The following CEMP1 variants were observed in gnomAD, a reference collection of about 807,000 sequenced individuals.
CEMP1 encodes cementum protein 1.
For synonymous variants in CEMP1, 161 were observed against 128.6 expected (o/e 1.25, Z -1.71); for missense variants, 387 against 316.9 (o/e 1.22, Z -1.68).
Position 2,530,990 on chromosome 16 carries a change from G to A in CEMP1, c.84C>T (p.Cys28=), listed in dbSNP as rs1485487553. 1.9e-6 allele frequency: 3 copies of A among 1,613,044 alleles called. No individual in the cohort carries two copies. The highest frequency in any genetic ancestry group is 2.5e-6 in the Non-Finnish European group (3 of 1,179,776). ...TSNTSAENLT[C]LSLPGSPGKT... ...TGCCAGGGCTCCCAGGCAGGGAGAG[G>A]CAGGTGAGGTTCTCAGCCGATGTGT... Residue 28 remains cysteine, a synonymous_variant, in exon 1 of 1, where the codon TGC becomes TGT. Transcript: ENST00000567119.
chr16:2,530,235 C>T lies in CEMP1; in HGVS notation c.*95G>A, dbSNP rs760912750. ...GTTCTGTTTTCTCTTCTCAATAACC[C>T]TATCTCTTCACACATCCCCAGGCCC... On this transcript the variant is annotated 3_prime_UTR_variant, in exon 1 of 1. Coordinates refer to ENST00000567119, the MANE Select transcript of CEMP1 (RefSeq NM_001048212.3). 1 of 1,589,370 alleles carries T rather than the reference C, an allele frequency of 6.3e-7. No homozygotes were observed. The highest frequency in any genetic ancestry group is 1.1e-5 in the South Asian group (1 of 88,570).
rs540841941 is a variant in CEMP1 at position 2,531,315 on chromosome 16, C to T, written c.-242G>A. The T allele has an allele frequency of 1.8e-6, 1 of 546,156 alleles. No individual in the cohort carries two copies. Among genetic ancestry groups the T allele is most frequent in the Non-Finnish European group, 3.3e-6 (1 of 300,016 alleles). 33.8% of individuals were successfully genotyped at this position (546,156 alleles called of 1,614,324 possible). ...GGTGAGAGAGAGCTGGGCCAGGGAG[C>T]TGCTGCAGGATGATTTTGAGGTGTG... On this transcript the variant is annotated 5_prime_UTR_variant, in exon 1 of 1. Transcript: ENST00000567119.
chr16:2,530,500 GCAGC>G (rs761538002), intron 1 of CEMP1: 12 of 1,614,016 alleles, frequency 7.4e-6, no homozygotes, highest in Non-Finnish European at 1.0e-5. Flanking sequence ...AGGGATTGGT[GCAGC>G]CCCACGTCAG....
Position 2,531,015 on chromosome 16 carries a change from T to G in CEMP1, c.59A>C (p.Asn20Thr). The G allele has an allele frequency of 6.2e-7, 1 of 1,607,390 alleles. No homozygotes were observed. Among genetic ancestry groups the G allele is most frequent in the Non-Finnish European group, 8.5e-7 (1 of 1,175,070 alleles). Reference protein sequence around the residue: ...QAGHRRCSTSNTSAENLTCLS... With the variant: ...QAGHRRCSTSTTSAENLTCLS... ...GCAGGTGAGGTTCTCAGCCGATGTG[T>G]TAGAGGTTGAGCATCGCCTGTGCCC... The change falls in exon 1 of 1, where the codon AAC becomes ACC. Residue 20 changes from asparagine (N) to threonine (T), a missense_variant. Coordinates refer to ENST00000567119, the MANE Select transcript of CEMP1 (RefSeq NM_001048212.3).
In CEMP1 at chr16:2,531,403, AAG is replaced by A. The variant is rs1418163167; in HGVS notation, c.-332_-331del. 2.4e-5 allele frequency: 12 copies of A among 505,588 alleles called. No individual in the cohort carries two copies. In the Admixed American group the frequency reaches 3.2e-4, roughly 14 times the overall value. 31.3% of individuals were successfully genotyped at this position (505,588 alleles called of 1,614,324 possible). ...AAAATTGTGGTAAAATACATAACAA[AAG>A]TAACTATCGTAACCTGAGCAGTTCT... On this transcript the variant is annotated 5_prime_UTR_variant, in exon 1 of 1. Coordinates refer to ENST00000567119, the MANE Select transcript of CEMP1 (RefSeq NM_001048212.3).
Position 2,530,127 on chromosome 16 carries a change from G to C in CEMP1, c.*203C>G, listed in dbSNP as rs1432334488. The C allele has an allele frequency of 1.4e-5, 19 of 1,337,556 alleles. No individual in the cohort carries two copies. The highest frequency in any genetic ancestry group is 1.7e-5 in the Non-Finnish European group (17 of 1,005,880). The allele number at this position is 1,337,556 out of a possible 1,614,324, so 82.9% of individuals were successfully genotyped here. On this transcript the variant is annotated 3_prime_UTR_variant, in exon 1 of 1. Coordinates refer to ENST00000567119, the MANE Select transcript of CEMP1 (RefSeq NM_001048212.3). ...GGCACAGTGCCAGGGGCTCCGCTCT[G>C]ACCTCCAGGAGGGAGACTGGGCCCG...
Position 2,530,054 on chromosome 16 carries a change from C to G in CEMP1, c.*276G>C. 1 of 833,188 alleles carries G rather than the reference C, an allele frequency of 1.2e-6. No homozygotes were observed. The allele number at this position is 833,188 out of a possible 1,614,324, so 51.6% of individuals were successfully genotyped here. ...ACAGTCAGGGGTTTGCTTTCTGCTC[C>G]TGAGTTGGGGTGTGCAGCGTGGAGC... On this transcript the variant is annotated 3_prime_UTR_variant, in exon 1 of 1. Transcript: ENST00000567119.
At position 2,530,803 on chromosome 16, in the gene CEMP1, A is replaced by G. The variant is rs1239565283; in HGVS notation, c.271T>C (p.Cys91Arg). 1 of 1,613,584 alleles carries G rather than the reference A, an allele frequency of 6.2e-7. No individual in the cohort carries two copies. The highest frequency in any genetic ancestry group is 1.3e-5 in the African/African-American group (1 of 74,886). Reference sequence around the variant, plus strand: ...GCACAAGGGGTTGATCTCAGCCCACAAGCCCCAGGGGCAGCCCAGGAAAGC... The same window carrying G: ...GCACAAGGGGTTGATCTCAGCCCACGAGCCCCAGGGGCAGCCCAGGAAAGC... Reference protein sequence around the residue: ...RLLSWAAPGACGLRSTPCALP... With the variant: ...RLLSWAAPGARGLRSTPCALP... The change falls in exon 1 of 1, where the codon TGT becomes CGT. Residue 91 changes from cysteine (C) to arginine (R), a missense_variant. Transcript: ENST00000567119.
rs1226494558 is a variant in CEMP1 at position 2,531,205 on chromosome 16, C to T, written c.-132G>A. 3 of 1,242,788 alleles carry T rather than the reference C, an allele frequency of 2.4e-6. No individual in the cohort carries two copies. The highest frequency in any genetic ancestry group is 1.5e-5 in the African/African-American group (1 of 65,416). The allele number at this position is 1,242,788 out of a possible 1,614,324, so 77.0% of individuals were successfully genotyped here. ...ATTCACCGGCCAGCGCCCCACCTCC[C>T]TGGCTGGAGGGTCGGGGAGGGGCTG... On this transcript the variant is annotated 5_prime_UTR_variant, in exon 1 of 1. Transcript: ENST00000567119.
rs2066086446 is a variant in CEMP1 at position 2,530,958 on chromosome 16, G to A, written c.116C>T (p.Ala39Val). ...TGCCTGTGCTGGGCCTGGGAGAGGAGCTGTCTTGCCAGGGCTCCCAGGCAG... is the reference window on the plus strand; with the variant it reads ...TGCCTGTGCTGGGCCTGGGAGAGGAACTGTCTTGCCAGGGCTCCCAGGCAG... ...LSLPGSPGKT[A>V]PLPGPAQAGA... Residue 39 changes from alanine (A) to valine (V), a missense_variant, in exon 1 of 1, where the codon GCT (alanine) becomes GTT (valine). Transcript: ENST00000567119. 1.2e-6 allele frequency: 2 copies of A among 1,613,522 alleles called. No individual in the cohort carries two copies. The highest frequency in any genetic ancestry group is 1.7e-6 in the Non-Finnish European group (2 of 1,179,956).
In CEMP1 at chr16:2,530,977, C is replaced by G. The variant is rs765769029; in HGVS notation, c.97G>C (p.Gly33Arg). The G allele has an allele frequency of 3.7e-5, 60 of 1,613,350 alleles. No individual in the cohort carries two copies. Among genetic ancestry groups the G allele is most frequent in the Non-Finnish European group, 4.9e-5 (58 of 1,179,910 alleles). Residue 33 changes from glycine to arginine, a missense_variant, in exon 1 of 1, where the codon GGG becomes CGG. Transcript: ENST00000567119. ...AENLTCLSLP[G>R]SPGKTAPLPG... ...AGAGGAGCTGTCTTGCCAGGGCTCC[C>G]AGGCAGGGAGAGGCAGGTGAGGTTC...
rs939345354 is a variant in CEMP1 at position 2,531,382 on chromosome 16, T to C, written c.-309A>G. ...TTGGTTTTGGTTTGCTTTTTAAAAA[T>C]TGTGGTAAAATACATAACAAAAGTA... On this transcript the variant is annotated 5_prime_UTR_variant, in exon 1 of 1. Coordinates refer to ENST00000567119, the MANE Select transcript of CEMP1 (RefSeq NM_001048212.3). 8 of 504,222 alleles carry C rather than the reference T, an allele frequency of 1.6e-5. No individual in the cohort carries two copies. The highest frequency in any genetic ancestry group is 9.5e-5 in the African/African-American group (5 of 52,454). 31.2% of individuals were successfully genotyped at this position (504,222 alleles called of 1,614,324 possible).
rs766387177 is a variant in CEMP1 at position 2,531,122 on chromosome 16, G to A, written c.-49C>T. 27 of 1,534,606 alleles carry A rather than the reference G, an allele frequency of 1.8e-5. 1 individual carries two copies. The highest frequency in any genetic ancestry group is 2.3e-4 in the Middle Eastern group (1 of 4,340). On this transcript the variant is annotated 5_prime_UTR_variant, in exon 1 of 1. Transcript: ENST00000567119. Reference sequence around the variant, plus strand: ...CATGTTGGTCATCCCCACCTCAGACGGGACGCCCAGTCCAGAGCTGGTGAG... The same window carrying A: ...CATGTTGGTCATCCCCACCTCAGACAGGACGCCCAGTCCAGAGCTGGTGAG...
chr16:2,530,217 TTTCTC>T lies in CEMP1; in HGVS notation c.*108_*112del, dbSNP rs749341408. ...GTGCCACGGATGACCAGCGTTCTGT[TTTCTC>T]TTCTCAATAACCCTATCTCTTCACA... On this transcript the variant is annotated 3_prime_UTR_variant, in exon 1 of 1. Transcript: ENST00000567119. 64 of 1,547,196 alleles carry T rather than the reference TTTCTC, an allele frequency of 4.1e-5. No homozygotes were observed. The Admixed American group carries it at 5.8e-4, about 14-fold the overall frequency.
Position 2,530,530 on chromosome 16 carries a change from C to G in CEMP1, c.544G>C (p.Val182Leu), listed in dbSNP as rs189095388. 592 of 1,614,196 alleles carry G rather than the reference C, an allele frequency of 3.7e-4. 1 individual carries two copies. Among genetic ancestry groups the G allele is most frequent in the Middle Eastern group, 2.8e-3 (17 of 6,060 alleles). Residue 182 changes from valine (V) to leucine (L), a missense_variant, in exon 1 of 1, where the codon GTC becomes CTC. Val to Leu is a conservative substitution (Grantham distance 32). Coordinates refer to ENST00000567119, the MANE Select transcript of CEMP1 (RefSeq NM_001048212.3). ...HPPQNSNGEK[V>L]KTITPDVGLH... ...CCCACGTCAGGGGTGATTGTCTTGA[C>G]TTTCTCTCCATTTGAGTTCTGGGGT...
chr16:2,530,486 C>CT (rs761326555), intron 1 of CEMP1: 5 of 1,614,016 alleles, frequency 3.1e-6, no homozygotes, highest in Non-Finnish European at 1.7e-6. Flanking sequence ...TGGGGTCAGA[C>CT]GTCAGGGATT....
Position 2,530,977 on chromosome 16 carries a change from CAGGCAGGGAG to C in CEMP1, c.87_96del (p.Ser30GlyfsTer?), listed in dbSNP as rs1461722138. 1 of 1,613,350 alleles carries C rather than the reference CAGGCAGGGAG, an allele frequency of 6.2e-7. No individual in the cohort carries two copies. The highest frequency in any genetic ancestry group is 8.5e-7 in the Non-Finnish European group (1 of 1,179,910). ...AGAGGAGCTGTCTTGCCAGGGCTCC[CAGGCAGGGAG>C]AGGCAGGTGAGGTTCTCAGCCGATG... On this transcript the variant is annotated frameshift_variant, in exon 1 of 2. Coordinates refer to the CEMP1 transcript ENST00000565480. LOFTEE classifies it low-confidence loss of function (END_TRUNC).
In CEMP1 at chr16:2,530,517, G is replaced by T; in HGVS notation, c.557C>A (p.Thr186Asn). The T allele has an allele frequency of 1.2e-6, 2 of 1,614,198 alleles. No homozygotes were observed. The highest frequency in any genetic ancestry group is 1.1e-5 in the South Asian group (1 of 91,086). Residue 186 changes from threonine to asparagine, a missense_variant, in exon 1 of 1, where the codon ACC becomes AAC. By Grantham distance (65) the Thr-to-Asn change is moderately conservative. Transcript: ENST00000567119. ...NSNGEKVKTITPDVGLHQSLT... is the reference protein window; with the variant it reads ...NSNGEKVKTINPDVGLHQSLT... ...GGATTGGTGCAGCCCCACGTCAGGGGTGATTGTCTTGACTTTCTCTCCATT... is the reference window on the plus strand; with the variant it reads ...GGATTGGTGCAGCCCCACGTCAGGGTTGATTGTCTTGACTTTCTCTCCATT...
rs2066092453 is a variant in CEMP1 at position 2,531,254 on chromosome 16, C to T, written c.-181G>A. On this transcript the variant is annotated 5_prime_UTR_variant, in exon 1 of 1. It removes the in-frame stop codon of an upstream open reading frame in the 5' UTR. Transcript: ENST00000567119. ...TGGCAGAGATGGTTGGTCCACAGGG[C>T]TAGCCCTGGGTGGTGGGAGAGGGGC... The T allele has an allele frequency of 2.6e-6, 2 of 763,366 alleles. No homozygotes were observed. Among genetic ancestry groups the T allele is most frequent in the Admixed American group, 3.0e-5 (1 of 33,630 alleles). 47.3% of individuals were successfully genotyped at this position (763,366 alleles called of 1,614,324 possible). A position where few individuals can be genotyped will look rare whatever the true frequency, so the allele number is the denominator to read the frequency against.
Sources: allele counts gnomAD v4.1 joint callset, GRCh38; gene constraint gnomAD v4.1.1; transcripts MANE v1.5; gene names NCBI Gene and HGNC (gene_info 2026-07-23, HGNC 2026-07-21).